ELAVL2: variants seen among roughly 807,000 people sequenced by gnomAD.
ELAVL2 encodes the protein ELAV like RNA binding protein 2.
A neutral mutation model predicts 34.6 loss-of-function variants in ELAVL2; 4 were observed. That is an observed-to-expected ratio of 0.12 (90% CI 0.06 to 0.26). ELAVL2 has a LOEUF of 0.26. ELAVL2 is among the 10% of genes least tolerant of loss of function. The probability of loss-of-function intolerance (pLI) is 1.00; values close to 1 mark genes in which losing one functional copy is unlikely to be tolerated. For synonymous variants in ELAVL2, 193 were observed against 154.8 expected (o/e 1.25, Z -1.83); for missense variants, 432 against 442.8 (o/e 0.98, Z 0.22).
chr9:23,847,599 A>T, the ELAVL2 span, among the ~76,000 whole-genome samples: 14 of 152,298 alleles, frequency 9.2e-5, no homozygotes, highest in East Asian at 2.7e-3. Context: ...CATAAATAGA[A>T]CACTTATAAT....
intron 1 of ELAVL2, among the ~76,000 whole-genome samples, chr9:23,801,583 C>T (rs997307698): frequency 1.3e-5 from 2 of 152,128 alleles, no homozygotes; most frequent in Non-Finnish European, 2.9e-5. Context: ...TAGTTTTAAA[C>T]AGAAATCAAC....
At chr9:23,738,576 AC>A (rs2048425877) in intron 2 of ELAVL2, among the ~76,000 whole-genome samples, 1 of 152,156 alleles carries the variant, frequency 6.6e-6, no homozygotes, top group Non-Finnish European at 1.5e-5. Context: ...CTAGACACTC[AC>A]ATAATACAGA....
intron 3 of ELAVL2, 61 bp downstream of exon 3, chr9:23,730,961 T>C: frequency 1.4e-6 from 2 of 1,465,520 alleles, no homozygotes; most frequent in Non-Finnish European, 1.9e-6. Flanking sequence ...GAACTACAAA[T>C]AAATCTTAAT....
the ELAVL2 span, among the ~76,000 whole-genome samples, chr9:23,842,777 T>G: frequency 3.3e-5 from 5 of 152,152 alleles, no homozygotes; most frequent in Admixed American, 1.3e-4. Context: ...TCTCATTCTC[T>G]ATGGCCTCTG....
intron 2 of ELAVL2, among the ~76,000 whole-genome samples, chr9:23,753,684 CA>C (rs1340988046): frequency 6.6e-6 from 1 of 152,126 alleles, no homozygotes; most frequent in Non-Finnish European, 1.5e-5. Flanking sequence ...TCCTCATCGA[CA>C]TTTTCCATCA....
chr9:23,782,258 A>G (rs943540467), intron 1 of ELAVL2, among the ~76,000 whole-genome samples: 3 of 152,244 alleles, frequency 2.0e-5, no homozygotes, highest in Admixed American at 6.5e-5. Context: ...ATTCAAAATC[A>G]AAGTACATCG....
At chr9:23,794,596 A>C (rs1319713762) in intron 1 of ELAVL2, among the ~76,000 whole-genome samples, 1 of 152,226 alleles carries the variant, frequency 6.6e-6, no homozygotes, top group Non-Finnish European at 1.5e-5. Flanking sequence ...TGAGAATTCC[A>C]AAGTATCAAC....
At chr9:23,828,278 C>T (rs1413007741), upstream of ELAVL2, among the ~76,000 whole-genome samples, 1 of 152,142 alleles carries the variant, frequency 6.6e-6, no homozygotes, top group African/African-American at 2.4e-5. Context: ...AATTGTCTTT[C>T]CTCCTTTTTA....
chr9:23,755,083 T>A (rs2053213793), intron 2 of ELAVL2, among the ~76,000 whole-genome samples: 1 of 152,170 alleles, frequency 6.6e-6, no homozygotes, highest in Admixed American at 6.6e-5. Flanking sequence ...TAAAATGGTA[T>A]ATAAGCCCCC....
intron 3 of ELAVL2, among the ~76,000 whole-genome samples, chr9:23,706,620 C>T (rs985238428): frequency 2.0e-5 from 3 of 152,170 alleles, no homozygotes; most frequent in Non-Finnish European, 4.4e-5. Flanking sequence ...TCACAATATA[C>T]GCCATCCTCA....
intron 1 of ELAVL2, among the ~76,000 whole-genome samples, chr9:23,820,949 G>A (rs2064546121): frequency 6.6e-6 from 1 of 152,114 alleles, no homozygotes; most frequent in South Asian, 2.1e-4. Flanking sequence ...CGCGCACGAG[G>A]GGATCATCAT....
At chr9:23,815,007 A>G (rs2063514694) in intron 1 of ELAVL2, among the ~76,000 whole-genome samples, 1 of 152,184 alleles carries the variant, frequency 6.6e-6, no homozygotes, top group Non-Finnish European at 1.5e-5. Flanking sequence ...GCAATTTCCA[A>G]TAACTTACTT....
intron 1 of ELAVL2, among the ~76,000 whole-genome samples, chr9:23,799,036 G>A (rs1355294819): frequency 1.3e-5 from 2 of 152,088 alleles, no homozygotes; most frequent in African/African-American, 4.8e-5. Context: ...AGTGAAGGAT[G>A]GAAGAACTAT....
chr9:23,748,848 A>G (rs1031693829), intron 2 of ELAVL2, among the ~76,000 whole-genome samples: 2 of 152,156 alleles, frequency 1.3e-5, no homozygotes, highest in Non-Finnish European at 2.9e-5. Flanking sequence ...TCCTGAAAAC[A>G]ATTATCATAA....
At chr9:23,728,519 G>A (rs147728299) in intron 3 of ELAVL2, among the ~76,000 whole-genome samples, 3 of 152,210 alleles carry the variant, frequency 2.0e-5, no homozygotes, top group Non-Finnish European at 4.4e-5. Flanking sequence ...TAAAACAGTA[G>A]AGAAACACCA....
At chr9:23,704,126 T>C (rs1245219265) in intron 4 of ELAVL2, among the ~76,000 whole-genome samples, 3 of 112,916 alleles carry the variant, frequency 2.7e-5, no homozygotes, top group Non-Finnish European at 6.1e-5. Context: ...GAGATGGGGC[T>C]TCTCTATGTT....
intron 1 of ELAVL2, chr9:23,779,489 A>G (rs959703526): frequency 1.2e-6 from 1 of 828,748 alleles, no homozygotes; most frequent in Admixed American, 6.2e-5. Flanking sequence ...TGGCTTCCTT[A>G]GACTCAGAAA....
intron 3 of ELAVL2, among the ~76,000 whole-genome samples, chr9:23,720,093 C>G (rs1021438620): frequency 6.6e-6 from 1 of 152,070 alleles, no homozygotes; most frequent in South Asian, 2.1e-4. Flanking sequence ...TCCCAAAGTG[C>G]TGGGATTACA....
chr9:23,848,416 C>T, the ELAVL2 span, among the ~76,000 whole-genome samples: 1 of 152,050 alleles, frequency 6.6e-6, no homozygotes, highest in Non-Finnish European at 1.5e-5. Flanking sequence ...AGTAGTTTAA[C>T]CATTTTGGTG....
Sources: gnomAD v4.1 joint callset for allele counts (sites outside exome capture counted in the v4.1 genomes callset) on GRCh38, gnomAD v4.1.1 for gene constraint, MANE v1.5 for transcripts, NCBI Gene and HGNC (gene_info 2026-07-23, HGNC 2026-07-21) for gene names.